LNX1: variants seen among roughly 807,000 people sequenced by gnomAD.
LNX1 encodes E3 ubiquitin-protein ligase LNX.
Under a neutral mutation model 68.4 loss-of-function variants are expected in LNX1, and 54 were observed. That is an observed-to-expected ratio of 0.79 (90% CI 0.63 to 0.99). The LOEUF is 0.99. LNX1 is among the 50% of genes least tolerant of loss of function. The pLI is 0.00. For missense variants in LNX1, 906 were observed against 926.4 expected (o/e 0.98, Z 0.29); for synonymous variants, 336 against 350.0 (o/e 0.96, Z 0.45).
intron 2 of LNX1, among the ~76,000 whole-genome samples, chr4:53,523,596 A>G (rs1411059128): frequency 3.3e-5 from 5 of 152,198 alleles, no homozygotes. Flanking sequence ...CTCAAGCTGT[A>G]TGATTTTATA....
At chr4:53,608,638 T>G (rs1733325421) in intron 2 of LNX1, among the ~76,000 whole-genome samples, 1 of 152,180 alleles carries the variant, frequency 6.6e-6, no homozygotes, top group Non-Finnish European at 1.5e-5. Context: ...ATATAAATTT[T>G]TCTACCACAA....
intron 2 of LNX1, among the ~76,000 whole-genome samples, chr4:53,614,640 T>C (rs567719092): frequency 2.0e-5 from 3 of 152,206 alleles, no homozygotes; most frequent in Non-Finnish European, 4.4e-5. Flanking sequence ...CTTGCCTAAG[T>C]TGTGAAATTC....
intron 2 of LNX1, among the ~76,000 whole-genome samples, chr4:53,544,036 A>G (rs1728931769): frequency 6.6e-6 from 1 of 152,234 alleles, no homozygotes; most frequent in South Asian, 2.1e-4. Context: ...CAAACACTTT[A>G]TCTTAGTCTT....
At chr4:53,595,886 C>T (rs778527330), upstream of LNX1, among the ~76,000 whole-genome samples, 36 of 152,172 alleles carry the variant, frequency 2.4e-4, no homozygotes, top group Non-Finnish European at 4.0e-4. Flanking sequence ...TTTCCCATGA[C>T]ATATTTCTAG....
chr4:53,496,393 A>G lies in LNX1; in HGVS notation c.980T>C (p.Val327Ala), dbSNP rs1404311155. ...RLLPGDIILK[V>A]NGMDISNVPH... ...GACATTGCTGATGTCCATCCCGTTGACCTGGGGGCAGGTGGAACAATCGTG... is the reference window on the plus strand; with the variant it reads ...GACATTGCTGATGTCCATCCCGTTGGCCTGGGGGCAGGTGGAACAATCGTG... Residue 327 changes from valine (V) to alanine (A), a missense_variant and splice_region_variant, in exon 6 of 11, where the codon GTC becomes GCC. Physicochemically the swap from Val to Ala is moderately conservative, Grantham distance 64. Transcript: ENST00000263925. The G allele has an allele frequency of 6.3e-7, 1 of 1,597,702 alleles. No individual in the cohort carries two copies. The highest frequency in any genetic ancestry group is 8.5e-7 in the Non-Finnish European group (1 of 1,170,156).
upstream of LNX1, chr4:53,617,604 C>T (rs752249693): frequency 1.3e-5 from 2 of 152,156 alleles, no homozygotes; most frequent in African/African-American, 2.4e-5. Flanking sequence ...TTTTATACAA[C>T]CTTGTTGGTG....
At chr4:53,515,710 T>C (rs1726723187) in intron 2 of LNX1, among the ~76,000 whole-genome samples, 1 of 152,152 alleles carries the variant, frequency 6.6e-6, no homozygotes, top group African/African-American at 2.4e-5. Flanking sequence ...ATCATAATAT[T>C]GAAATACATT....
chr4:53,556,121 T>G (rs977069424), intron 2 of LNX1, among the ~76,000 whole-genome samples: 5 of 152,068 alleles, frequency 3.3e-5, no homozygotes, highest in African/African-American at 1.2e-4. Context: ...CCATGGAGTA[T>G]CCAAGTAGGC....
intron 9 of LNX1, among the ~76,000 whole-genome samples, chr4:53,462,829 ATATT>A (rs1175073869): frequency 6.6e-6 from 1 of 152,142 alleles, no homozygotes; most frequent in African/African-American, 2.4e-5. Flanking sequence ...CTATTGTAAA[ATATT>A]TATCTGCTGC....
chr4:53,626,379 A>G (rs1734075760), intron 1 of LNX1, among the ~76,000 whole-genome samples: 1 of 152,206 alleles, frequency 6.6e-6, no homozygotes, highest in Non-Finnish European at 1.5e-5. Context: ...GTACACTTTA[A>G]AAGGGTAAAT....
intron 9 of LNX1, among the ~76,000 whole-genome samples, chr4:53,467,509 G>C (rs1722777569): frequency 6.6e-6 from 1 of 152,214 alleles, no homozygotes. Flanking sequence ...TCAACAAGTT[G>C]AGAGAGGAAG....
At chr4:53,468,806 T>A (rs887105433) in intron 9 of LNX1, among the ~76,000 whole-genome samples, 1 of 152,204 alleles carries the variant, frequency 6.6e-6, no homozygotes, top group Non-Finnish European at 1.5e-5. Context: ...TAAATATATA[T>A]GCACCCAATA....
intron 1 of LNX1, among the ~76,000 whole-genome samples, chr4:53,646,456 C>G (rs1734884796): frequency 1.3e-5 from 2 of 152,194 alleles, no homozygotes; most frequent in South Asian, 4.1e-4. Context: ...AATTATCTTA[C>G]TTATCTGTCT....
intron 2 of LNX1, among the ~76,000 whole-genome samples, chr4:53,566,437 C>T (rs1165923517): frequency 1.3e-5 from 2 of 151,598 alleles, no homozygotes; most frequent in Non-Finnish European, 2.9e-5. Context: ...ACTTTACAGA[C>T]AAGCAAATGC....
chr4:53,584,309 CTG>C (rs1020132308), intron 1 of LNX1, among the ~76,000 whole-genome samples: 1 of 152,112 alleles, frequency 6.6e-6, no homozygotes, highest in Non-Finnish European at 1.5e-5. Context: ...GCCTTAAACT[CTG>C]TGGGAGTTCC....
chr4:53,611,172 G>A (rs769169110), intron 2 of LNX1, among the ~76,000 whole-genome samples: 2 of 151,660 alleles, frequency 1.3e-5, no homozygotes, highest in Non-Finnish European at 2.9e-5. Context: ...CTACAAACAG[G>A]CAAAAATACC....
upstream of LNX1, among the ~76,000 whole-genome samples, chr4:53,592,582 A>G (rs1732559216): frequency 6.6e-6 from 1 of 152,186 alleles, no homozygotes; most frequent in African/African-American, 2.4e-5. Context: ...GCCTGCCCAG[A>G]GAGAATTTTT....
chr4:53,565,649 A>G (rs995881831), intron 2 of LNX1, among the ~76,000 whole-genome samples: 1 of 152,224 alleles, frequency 6.6e-6, no homozygotes, highest in Non-Finnish European at 1.5e-5. Context: ...CTGGACAGAG[A>G]ATGACTTTGA....
At chr4:53,546,571 AGGGCTGAGTCATTT>A (rs1474366418) in intron 2 of LNX1, among the ~76,000 whole-genome samples, 3 of 152,232 alleles carry the variant, frequency 2.0e-5, no homozygotes, top group African/African-American at 7.2e-5. Context: ...TGTTACTGGC[AGGGCTGAGTCATTT>A]GGGTAAATTA....
Sources: gnomAD v4.1 joint callset for allele counts (sites outside exome capture counted in the v4.1 genomes callset) on GRCh38, gnomAD v4.1.1 for gene constraint, MANE v1.5 for transcripts, NCBI Gene and HGNC (gene_info 2026-07-23, HGNC 2026-07-21) for gene names.